The following SYNE1 variants were observed in gnomAD, a reference collection of about 807,000 sequenced individuals.
SYNE1 encodes nesprin-1.
In SYNE1, 616 loss-of-function variants were observed where a neutral mutation model predicts 1,111.0. The ratio of observed to expected loss-of-function variants is 0.55; its 90% CI spans 0.52 to 0.59. The LOEUF is 0.59. Ranked by LOEUF, SYNE1 falls within the 20% of genes least tolerant of loss-of-function variation. The pLI is 0.00. For missense variants in SYNE1, 10,006 were observed against 10,417.0 expected, an observed-to-expected ratio of 0.96 and a Z score of 1.72; for synonymous variants, 3,855 against 3,825.8, an observed-to-expected ratio of 1.01 and a Z score of -0.28.
intron 62 of SYNE1, 137 bp from the exon 63 acceptor site, chr6:152,365,156 A>C: frequency 9.3e-7 from 1 of 1,077,168 alleles, no homozygotes; most frequent in South Asian, 1.4e-5. Context: ...GCTGAGACAG[A>C]GGGTGGGGAA....
At chr6:152,594,863 CCAAT>C (rs2099576506) in intron 3 of SYNE1, among the ~76,000 whole-genome samples, 1 of 152,124 alleles carries the variant, frequency 6.6e-6, no homozygotes, top group Admixed American at 6.5e-5. Context: ...TGAGCCTAGG[CCAAT>C]CAGACTTTCA....
In SYNE1 at chr6:152,455,752, A is replaced by C; in HGVS notation, c.2727+134T>G. ...AATATTAATTAATATTAGGTAAAAA[A>C]GTAGGACAATGATTGGCTTCCAAAC... On this transcript the variant is annotated intron_variant, in intron 23 of 145. Coordinates refer to ENST00000367255, the MANE Select transcript of SYNE1 (RefSeq NM_182961.4). 3 of 1,402,486 alleles carry C rather than the reference A, an allele frequency of 2.1e-6. No homozygotes were observed. The South Asian group carries it at 3.6e-5, about 17-fold the overall frequency. The allele number at this position is 1,402,486 out of a possible 1,614,324, so 86.9% of individuals were successfully genotyped here. A position where few individuals can be genotyped will look rare whatever the true frequency, so the allele number is the denominator to read the frequency against.
chr6:152,167,851 C>T (rs758483205), intron 130 of SYNE1: 5 of 661,684 alleles, frequency 7.6e-6, no homozygotes, highest in Admixed American at 7.2e-5. Flanking sequence ...ATGACGCATA[C>T]GGTCCAGAGA....
chr6:152,181,758 A>C (rs1012795697), intron 128 of SYNE1, among the ~76,000 whole-genome samples: 1 of 152,182 alleles, frequency 6.6e-6, no homozygotes, highest in African/African-American at 2.4e-5. Context: ...TGCTGTTATA[A>C]ACATTTGTGC....
In SYNE1 at chr6:152,621,383, G is replaced by A. The variant is rs564899633; in HGVS notation, c.67+6882C>T. Among the ~76,000 whole-genome samples, 244 of 152,226 alleles carry A rather than the reference G, an allele frequency of 1.6e-3. 1 individual carries two copies. The highest frequency in any genetic ancestry group is 5.7e-3 in the African/African-American group (237 of 41,532). On this transcript the variant is annotated intron_variant, in intron 3 of 145. Coordinates refer to ENST00000367255, the MANE Select transcript of SYNE1 (RefSeq NM_182961.4). ...AAAAAAATTCATGTGGAGGTAACAA[G>A]ATATAGAGGGATACTTTATGTTTTA...
At chr6:152,252,199 G>A (rs2089515349) in intron 104 of SYNE1, among the ~76,000 whole-genome samples, 1 of 152,096 alleles carries the variant, frequency 6.6e-6, no homozygotes, top group Non-Finnish European at 1.5e-5. Flanking sequence ...TTGAACACGG[G>A]AGGCAGAGGT....
intron 145 of SYNE1, among the ~76,000 whole-genome samples, chr6:152,123,967 A>G (rs1014861563): frequency 3.9e-5 from 6 of 152,248 alleles, no homozygotes; most frequent in African/African-American, 1.4e-4. Flanking sequence ...TTAAAAACAG[A>G]TAGAATCCCC....
intron 93 of SYNE1, among the ~76,000 whole-genome samples, chr6:152,299,062 C>A (rs1278189585): frequency 6.6e-6 from 1 of 152,110 alleles, no homozygotes; most frequent in Non-Finnish European, 1.5e-5. Flanking sequence ...TGGTTAATGT[C>A]AAGAAATAAT....
intron 105 of SYNE1, among the ~76,000 whole-genome samples, chr6:152,245,394 A>G (rs1238839823): frequency 1.3e-5 from 2 of 152,220 alleles, no homozygotes; most frequent in Non-Finnish European, 2.9e-5. Flanking sequence ...ATCCTGGAGC[A>G]GCCTAAGCAG....
At chr6:152,351,011 T>C (rs2096732472) in intron 70 of SYNE1, among the ~76,000 whole-genome samples, 1 of 152,122 alleles carries the variant, frequency 6.6e-6, no homozygotes, top group Non-Finnish European at 1.5e-5. Context: ...GGATGGGAAA[T>C]AGTTATATTT....
At chr6:152,465,530 T>G in intron 17 of SYNE1, 70 bp from the exon 18 acceptor site, 1 of 1,398,624 alleles carries the variant, frequency 7.1e-7, no homozygotes, top group East Asian at 2.5e-5. Flanking sequence ...TTTTCTATGG[T>G]CTTATACATT....
At chr6:152,378,338 C>A (rs971063870) in intron 56 of SYNE1, among the ~76,000 whole-genome samples, 4 of 152,218 alleles carry the variant, frequency 2.6e-5, no homozygotes, top group Non-Finnish European at 4.4e-5. Context: ...CATCCCTCAA[C>A]AAACCAGCCC....
At chr6:152,178,548 T>A (rs1269159691) in intron 129 of SYNE1, among the ~76,000 whole-genome samples, 1 of 152,252 alleles carries the variant, frequency 6.6e-6, no homozygotes. Flanking sequence ...TCATTAATAG[T>A]ACATGTTGGC....
intron 137 of SYNE1, chr6:152,146,057 A>ACAGTGAC (rs1254969630): frequency 2.5e-4 from 43 of 170,094 alleles, no homozygotes; most frequent in Admixed American, 2.2e-3. Flanking sequence ...AAAAGAACTC[A>ACAGTGAC]CAGTGACTGA....
chr6:152,433,166 GAAAT>G (rs2098444323), intron 34 of SYNE1, among the ~76,000 whole-genome samples: 1 of 151,838 alleles, frequency 6.6e-6, no homozygotes, highest in Non-Finnish European at 1.5e-5. Flanking sequence ...AAAAGAAAGA[GAAAT>G]AAACACTCCA....
intron 112 of SYNE1, 23 bp from the exon 113 acceptor site, chr6:152,232,288 C>G: frequency 3.1e-6 from 5 of 1,613,584 alleles, no homozygotes; most frequent in Non-Finnish European, 4.2e-6. Flanking sequence ...GGGAGAGAAC[C>G]AGTCCCAAGT....
chr6:152,174,877 A>G (rs1020972643), intron 130 of SYNE1, among the ~76,000 whole-genome samples: 1 of 152,236 alleles, frequency 6.6e-6, no homozygotes, highest in Non-Finnish European at 1.5e-5. Context: ...AATGTTAGCT[A>G]TATCAGTGCT....
chr6:152,432,197 T>C (rs936601876), intron 34 of SYNE1, among the ~76,000 whole-genome samples: 3 of 152,166 alleles, frequency 2.0e-5, no homozygotes, highest in African/African-American at 7.2e-5. Flanking sequence ...TGAAATGGCA[T>C]GTAATAATGA....
rs867469738 is a variant in SYNE1 at position 152,209,000 on chromosome 6, C to T, written c.22590-794G>A. ...AAAAAATATAGGTAGTTCTTTATTA[C>T]GTTTTATTTAATATTTAATTTATGG... On this transcript the variant is annotated intron_variant, in intron 124 of 145. Transcript: ENST00000367255. Among the ~76,000 whole-genome samples the T allele has an allele frequency of 2.3e-4, 35 of 152,214 alleles. 1 individual carries two copies. Among genetic ancestry groups the T allele is most frequent in the Middle Eastern group, 6.8e-3 (2 of 294 alleles).
Sources: gnomAD v4.1 joint callset for allele counts (sites outside exome capture counted in the v4.1 genomes callset) on GRCh38, gnomAD v4.1.1 for gene constraint, MANE v1.5 for transcripts, NCBI Gene and HGNC (gene_info 2026-07-23, HGNC 2026-07-21) for gene names.